The following USP13 variants were observed in gnomAD, a reference collection of about 807,000 sequenced individuals.
USP13 encodes the protein ubiquitin specific peptidase 13.
A neutral mutation model predicts 107.8 loss-of-function variants in USP13; 68 were observed. The observed-to-expected ratio is 0.63, with a 90% CI of 0.52 to 0.77. The LOEUF (loss-of-function observed/expected upper bound fraction) is 0.77. Among genes scored for constraint, USP13 ranks in the 30% least tolerant of loss-of-function variants. The pLI is 0.00. For missense variants in USP13, 945 were observed against 1,093.3 expected, an observed-to-expected ratio of 0.86 and a Z score of 1.91; for synonymous variants, 377 against 389.5, an observed-to-expected ratio of 0.97 and a Z score of 0.38.
At chr3:179,704,062 A>G (rs1355776350) in intron 4 of USP13, among the ~76,000 whole-genome samples, 1 of 152,114 alleles carries the variant, frequency 6.6e-6, no homozygotes, top group Non-Finnish European at 1.5e-5. Flanking sequence ...TTGAGATAAC[A>G]TATCCAGGGA....
chr3:179,660,103 T>C (rs1720413856), intron 1 of USP13, among the ~76,000 whole-genome samples: 1 of 152,110 alleles, frequency 6.6e-6, no homozygotes, highest in Admixed American at 6.6e-5. Context: ...TGGCATTAAA[T>C]TACATTCGCA....
chr3:179,669,948 AC>A (rs1223005168), intron 1 of USP13, among the ~76,000 whole-genome samples: 16 of 152,106 alleles, frequency 1.1e-4, no homozygotes, highest in Admixed American at 5.9e-4. Context: ...CCCAGTGTGC[AC>A]CCAGCTCTCC....
chr3:179,665,047 A>G (rs575086830), intron 1 of USP13, among the ~76,000 whole-genome samples: 1 of 152,270 alleles, frequency 6.6e-6, no homozygotes, highest in African/African-American at 2.4e-5. Context: ...AGATCGCGCC[A>G]TTGCACTCCA....
intron 4 of USP13, among the ~76,000 whole-genome samples, chr3:179,704,810 T>C (rs1480172976): frequency 6.6e-6 from 1 of 152,200 alleles, no homozygotes; most frequent in Admixed American, 6.5e-5. Flanking sequence ...CGATCTCTAA[T>C]GGATTATAAG....
intron 15 of USP13, among the ~76,000 whole-genome samples, chr3:179,755,341 C>T (rs973435053): frequency 3.9e-5 from 6 of 152,070 alleles, no homozygotes; most frequent in Non-Finnish European, 8.8e-5. Context: ...GTTGCCCAGG[C>T]TGGAGTGCAG....
At chr3:179,761,460 A>G (rs1382133422) in intron 17 of USP13, among the ~76,000 whole-genome samples, 2 of 151,948 alleles carry the variant, frequency 1.3e-5, no homozygotes, top group East Asian at 1.9e-4. Context: ...GTGGGGGCTC[A>G]TGCCTGTAAT....
chr3:179,721,521 C>G lies in USP13; in HGVS notation c.1020C>G (p.Asn340Lys). The G allele has an allele frequency of 1.2e-6, 2 of 1,614,108 alleles. No individual in the cohort carries two copies. The highest frequency in any genetic ancestry group is 1.7e-6 in the Non-Finnish European group (2 of 1,180,024). ...GTCCTGGCTACACGGGTCTGAAGAA[C>G]CTGGGCAACAGCTGCTATCTCAGCT... ...MYGPGYTGLK[N>K]LGNSCYLSSV... Residue 340 changes from asparagine (N) to lysine (K), a missense_variant, in exon 8 of 21, where the codon AAC becomes AAG. Asn to Lys is a moderately conservative substitution (Grantham distance 94, BLOSUM62 0). Coordinates refer to ENST00000263966, the MANE Select transcript of USP13 (RefSeq NM_003940.3). This position sits in a 1 kb window ranked among gnomAD's most constrained non-coding sequence, Gnocchi z 4.3.
At chr3:179,666,840 C>T (rs893669383) in intron 1 of USP13, among the ~76,000 whole-genome samples, 5 of 152,238 alleles carry the variant, frequency 3.3e-5, no homozygotes, top group Admixed American at 3.3e-4. Flanking sequence ...ACGACATCTG[C>T]TTCTCAGTAG....
intron 10 of USP13, among the ~76,000 whole-genome samples, chr3:179,736,502 TAACCCAGCTGTG>T (rs1259818680): frequency 6.6e-6 from 1 of 152,246 alleles, no homozygotes; most frequent in Non-Finnish European, 1.5e-5. Context: ...TAAGATGCTC[TAACCCAGCTGTG>T]AACCCCAGGA....
intron 8 of USP13, among the ~76,000 whole-genome samples, chr3:179,727,581 C>T (rs1436280918): frequency 4.3e-5 from 5 of 115,720 alleles, no homozygotes; most frequent in East Asian, 2.7e-4. Flanking sequence ...TACACAGACA[C>T]GGCAACCATC....
chr3:179,735,182 G>T (rs971934374), intron 10 of USP13, among the ~76,000 whole-genome samples: 3 of 152,296 alleles, frequency 2.0e-5, no homozygotes, highest in Admixed American at 6.5e-5. Context: ...ATTGCCTCAG[G>T]TGTCTGAGAG....
At chr3:179,715,761 G>A (rs1713092657) in intron 6 of USP13, among the ~76,000 whole-genome samples, 1 of 152,000 alleles carries the variant, frequency 6.6e-6, no homozygotes, top group African/African-American at 2.4e-5. Flanking sequence ...GTGAACTCCC[G>A]GTGGAGAGAT....
intron 8 of USP13, among the ~76,000 whole-genome samples, 195 bp from the exon 9 acceptor site, chr3:179,729,994 C>T (rs891692780): frequency 6.6e-6 from 1 of 152,168 alleles, no homozygotes; most frequent in Non-Finnish European, 1.5e-5. Context: ...GGTTGAGACC[C>T]ACTGATAGAA....
At chr3:179,730,345 A>C in intron 9 of USP13, 85 bp downstream of exon 9, 1 of 1,334,072 alleles carries the variant, frequency 7.5e-7, no homozygotes, top group East Asian at 2.3e-5. Flanking sequence ...TTGCAAAATT[A>C]AAGGCAATTC....
At chr3:179,734,507 C>A (rs1337620524) in intron 10 of USP13, among the ~76,000 whole-genome samples, 1 of 152,206 alleles carries the variant, frequency 6.6e-6, no homozygotes, top group East Asian at 1.9e-4. Context: ...TCAACACATA[C>A]TTGCTGGTCT....
intron 1 of USP13, among the ~76,000 whole-genome samples, chr3:179,679,295 A>C (rs1017626669): frequency 6.6e-6 from 1 of 152,190 alleles, no homozygotes; most frequent in African/African-American, 2.4e-5. Context: ...AATTTAAACA[A>C]ATTTTAAACA....
chr3:179,745,264 A>C, intron 13 of USP13, 47 bp downstream of exon 13: 92 of 774,950 alleles, frequency 1.2e-4, no homozygotes, highest in Non-Finnish European at 1.5e-4. Context: ...AGGGGCCTTG[A>C]GGGGTGGGGA....
chr3:179,657,074 C>T (rs1720287151), intron 1 of USP13, among the ~76,000 whole-genome samples: 1 of 152,234 alleles, frequency 6.6e-6, no homozygotes, highest in Admixed American at 6.5e-5. Context: ...ATCTCCGTCA[C>T]TCAGTGTGTA....
intron 11 of USP13, 51 bp downstream of exon 11, chr3:179,740,423 AG>A (rs765880488): frequency 2.5e-6 from 4 of 1,611,978 alleles, no homozygotes; most frequent in Non-Finnish European, 3.4e-6. Flanking sequence ...GAGGGTGCCG[AG>A]CCACTCAGTG....
Sources: allele counts gnomAD v4.1 joint callset (sites outside exome capture counted in the v4.1 genomes callset), GRCh38; gene constraint gnomAD v4.1.1; non-coding constraint Gnocchi (gnomAD v3.1); transcripts MANE v1.5; gene names NCBI Gene and HGNC (gene_info 2026-07-23, HGNC 2026-07-21).